Variants in MCTP1 observed in about 807,000 individuals in gnomAD.
MCTP1 encodes multiple C2 and transmembrane domain containing 1.
Under a neutral mutation model 120.6 loss-of-function variants are expected in MCTP1, and 69 were observed. The observed-to-expected ratio is 0.57, with a 90% confidence interval of 0.47 to 0.70. The LOEUF is 0.70. Ranked by LOEUF, MCTP1 falls within the 30% of genes least tolerant of loss-of-function variation. The pLI is 0.00. For synonymous variants in MCTP1, 529 were observed against 493.1 expected, an observed-to-expected ratio of 1.07 and a Z score of -0.96; for missense variants, 1,203 against 1,248.8, an observed-to-expected ratio of 0.96 and a Z score of 0.55.
At chr5:95,095,744 C>A (rs1418496509) in intron 1 of MCTP1, among the ~76,000 whole-genome samples, 1 of 152,130 alleles carries the variant, frequency 6.6e-6, no homozygotes, top group Non-Finnish European at 1.5e-5. Context: ...GCTCTTTGTA[C>A]CTTATGTTGA....
intron 19 of MCTP1, among the ~76,000 whole-genome samples, chr5:94,745,485 T>C (rs916141183): frequency 4.6e-5 from 7 of 152,214 alleles, no homozygotes; most frequent in African/African-American, 1.7e-4. Flanking sequence ...CTTATTCCCA[T>C]TTTGCAGATG....
intron 2 of MCTP1, among the ~76,000 whole-genome samples, chr5:95,001,197 ATTAAACCTCT>A (rs1229800829): frequency 2.6e-5 from 4 of 152,370 alleles, no homozygotes; most frequent in Middle Eastern, 3.4e-3. Flanking sequence ...CTGTGAGTCA[ATTAAACCTCT>A]TTTCTTTATA....
chr5:95,107,785 G>A (rs1165836315), intron 1 of MCTP1, among the ~76,000 whole-genome samples: 1 of 152,202 alleles, frequency 6.6e-6, no homozygotes, highest in Non-Finnish European at 1.5e-5. Context: ...TAGGGGAAAA[G>A]CTATTTCCTT....
At chr5:94,929,883 T>A (rs1814111433) in intron 6 of MCTP1, among the ~76,000 whole-genome samples, 1 of 152,192 alleles carries the variant, frequency 6.6e-6, no homozygotes, top group Admixed American at 6.5e-5. Context: ...TCAAATGAGT[T>A]AACTGATTTT....
intron 2 of MCTP1, among the ~76,000 whole-genome samples, chr5:94,990,674 C>A (rs895165577): frequency 2.0e-5 from 3 of 152,112 alleles, no homozygotes; most frequent in African/African-American, 7.2e-5. Context: ...AGTGATATTC[C>A]ATTATATCAC....
Position 94,927,600 on chromosome 5 carries a change from G to T in MCTP1, c.1213-3579C>A, listed in dbSNP as rs75060132. On this transcript the variant is annotated intron_variant, in intron 6 of 22. Transcript: ENST00000515393. Reference sequence around the variant, plus strand: ...TTTATTATCAGGATATAATTTTTTTGTGGAAAGAACTTGATAGTTGCTAAA... The same window carrying T: ...TTTATTATCAGGATATAATTTTTTTTTGGAAAGAACTTGATAGTTGCTAAA... Among the ~76,000 whole-genome samples, 670 of 152,078 alleles carry T rather than the reference G, an allele frequency of 4.4e-3. 14 individuals carry two copies. The highest frequency in any genetic ancestry group is 0.035 in the Admixed American group (541 of 15,264).
At chr5:95,246,571 C>T (rs1057346425) in intron 1 of MCTP1, among the ~76,000 whole-genome samples, 3 of 152,060 alleles carry the variant, frequency 2.0e-5, no homozygotes, top group African/African-American at 7.2e-5. Flanking sequence ...AAGAAGGCCA[C>T]TACATAATGG....
At chr5:95,212,575 G>A in intron 1 of MCTP1, among the ~76,000 whole-genome samples, 1 of 152,004 alleles carries the variant, frequency 6.6e-6, no homozygotes, top group Admixed American at 6.6e-5. Flanking sequence ...GAGAATTTTA[G>A]ACCAATATCC....
chr5:94,784,028 G>A (rs561036919), intron 18 of MCTP1, among the ~76,000 whole-genome samples: 6 of 152,070 alleles, frequency 3.9e-5, no homozygotes, highest in East Asian at 1.9e-4. Context: ...AATGCAACAC[G>A]TTTACACATT....
chr5:94,902,041 G>A (rs765498751), intron 10 of MCTP1, among the ~76,000 whole-genome samples: 6 of 152,074 alleles, frequency 3.9e-5, no homozygotes, highest in Non-Finnish European at 8.8e-5. Context: ...GCACCCTTTG[G>A]GGCTCACTCG....
At chr5:94,785,182 T>C (rs1777418176) in intron 18 of MCTP1, among the ~76,000 whole-genome samples, 1 of 152,120 alleles carries the variant, frequency 6.6e-6, no homozygotes, top group South Asian at 2.1e-4. Context: ...CAATAACAAA[T>C]TCTATAATCA....
intron 1 of MCTP1, among the ~76,000 whole-genome samples, chr5:95,018,696 G>A (rs1444968536): frequency 2.0e-5 from 3 of 151,900 alleles, no homozygotes; most frequent in African/African-American, 7.3e-5. Context: ...CAGTCACTCA[G>A]CCTAGAAATC....
intron 1 of MCTP1, among the ~76,000 whole-genome samples, chr5:95,177,217 T>G (rs1582450747): frequency 6.6e-6 from 1 of 152,168 alleles, no homozygotes; most frequent in African/African-American, 2.4e-5. Flanking sequence ...AGATTTATTT[T>G]AAGGAATTGG....
intron 17 of MCTP1, among the ~76,000 whole-genome samples, chr5:94,825,636 G>T (rs988648320): frequency 1.3e-5 from 2 of 152,042 alleles, no homozygotes; most frequent in Non-Finnish European, 2.9e-5. Flanking sequence ...TATTGACAGT[G>T]GGGTGTTAAA....
intron 5 of MCTP1, among the ~76,000 whole-genome samples, chr5:94,934,119 C>T (rs1166978638): frequency 6.6e-6 from 1 of 151,746 alleles, no homozygotes; most frequent in Non-Finnish European, 1.5e-5. Flanking sequence ...AAGTATCTCA[C>T]TTCCAAGTCC....
intron 17 of MCTP1, among the ~76,000 whole-genome samples, chr5:94,816,845 A>C (rs951435849): frequency 6.6e-6 from 1 of 152,178 alleles, no homozygotes; most frequent in African/African-American, 2.4e-5. Context: ...AAGATTATTG[A>C]ATATAAATGA....
rs540859080 is a variant in MCTP1 at position 95,225,910 on chromosome 5, G to A, written c.720+57946C>T. On this transcript the variant is annotated intron_variant, in intron 1 of 22. Transcript: ENST00000515393. The stretch of plus-strand genomic sequence containing the variant: ...GGGGAGAGAGATTCCAGAATCATTA[G>A]ATAATTTGCTCTTAATTTTTTTCTG... Among the ~76,000 whole-genome samples, 55 of 152,236 alleles carry A rather than the reference G, an allele frequency of 3.6e-4. No individual in the cohort carries two copies. In the South Asian group the frequency reaches 4.4e-3, roughly 12 times the overall value.
At chr5:95,101,384 G>C (rs899469067) in intron 1 of MCTP1, among the ~76,000 whole-genome samples, 21 of 152,260 alleles carry the variant, frequency 1.4e-4, no homozygotes, top group Middle Eastern at 6.8e-3. Context: ...AAAACATCTT[G>C]TTTCCTGTTG....
intron 4 of MCTP1, among the ~76,000 whole-genome samples, chr5:94,941,476 T>C (rs1817701689): frequency 6.6e-6 from 1 of 152,026 alleles, no homozygotes; most frequent in Non-Finnish European, 1.5e-5. Flanking sequence ...AGTTCTACAC[T>C]TTATATTTCT....
Sources: gnomAD v4.1 joint callset for allele counts (sites outside exome capture counted in the v4.1 genomes callset) on GRCh38, gnomAD v4.1.1 for gene constraint, MANE v1.5 for transcripts, NCBI Gene and HGNC (gene_info 2026-07-23, HGNC 2026-07-21) for gene names.